Variants in RBFOX1 observed in about 807,000 individuals in gnomAD.
The protein encoded by RBFOX1 is RNA binding protein fox-1 homolog 1.
In RBFOX1, 8 loss-of-function variants were observed where a neutral mutation model predicts 57.7. The ratio of observed to expected loss-of-function variants is 0.14; its 90% confidence interval spans 0.08 to 0.25. The LOEUF (loss-of-function observed/expected upper bound fraction) is 0.25, where lower values mean the gene tolerates loss of function less well. Ranked by LOEUF, RBFOX1 falls within the 10% of genes least tolerant of loss-of-function variation. The pLI is 1.00. For missense variants in RBFOX1, 611 were observed against 548.5 expected (o/e 1.11, Z -1.14); for synonymous variants, 326 against 222.4 (o/e 1.47, Z -4.15).
At chr16:5,707,699 G>A (rs2051305053) in intron 3 of RBFOX1, among the ~76,000 whole-genome samples, 1 of 152,146 alleles carries the variant, frequency 6.6e-6, no homozygotes, top group Admixed American at 6.5e-5. Flanking sequence ...TCTATGAGCA[G>A]GAATAGCCTC....
At chr16:6,868,955 A>G (rs2060405476) in intron 3 of RBFOX1, among the ~76,000 whole-genome samples, 1 of 152,124 alleles carries the variant, frequency 6.6e-6, no homozygotes, top group African/African-American at 2.4e-5. Context: ...GAGATTTTGG[A>G]TACATGAGGT....
At chr16:6,118,615 C>A (rs146956124) in intron 1 of RBFOX1, among the ~76,000 whole-genome samples, 2,073 of 151,234 alleles carry the variant, frequency 0.014, 52 homozygotes, top group African/African-American at 0.048. Context: ...GTCTCTCTTG[C>A]TCTCCTCCCT....
chr16:7,504,741 A>ATT lies in RBFOX1; in HGVS notation c.28-13405_28-13404insTT, dbSNP rs1296557740. Among the ~76,000 whole-genome samples, 45 of 10,268 alleles carry ATT rather than the reference A, an allele frequency of 4.4e-3. 2 individuals are homozygous for ATT. The highest frequency in any genetic ancestry group is 9.3e-3 in the African/African-American group (32 of 3,428). 6.7% of individuals were successfully genotyped at this position (10,268 alleles called of 152,430 possible). Reference sequence around the variant, plus strand: ...TATATATATATATATATATATATATATATATATATATATTTATATATATAT... The same window carrying ATT: ...TATATATATATATATATATATATATATTTATATATATATATTTATATATATAT... On this transcript the variant is annotated intron_variant, in intron 4 of 15. Coordinates refer to ENST00000550418, the MANE Select transcript of RBFOX1 (RefSeq NM_018723.4).
At chr16:7,411,344 C>G (rs566140587) in intron 4 of RBFOX1, among the ~76,000 whole-genome samples, 1 of 152,128 alleles carries the variant, frequency 6.6e-6, no homozygotes, top group African/African-American at 2.4e-5. Context: ...GCCACAATTC[C>G]ACATTAGTTT....
intron 10 of RBFOX1, chr16:7,614,893 A>G (rs919538824): frequency 2.6e-5 from 4 of 152,222 alleles, no homozygotes; most frequent in African/African-American, 7.2e-5. Context: ...CAGAACTACC[A>G]TGTGAAAAAT....
At chr16:5,257,388 T>C (rs566260906) in intron 1 of RBFOX1, among the ~76,000 whole-genome samples, 1 of 152,228 alleles carries the variant, frequency 6.6e-6, no homozygotes, top group South Asian at 2.1e-4. Flanking sequence ...TCTGAGCTTC[T>C]GTGACCTTGT....
intron 2 of RBFOX1, among the ~76,000 whole-genome samples, chr16:6,630,553 C>G (rs1262803569): frequency 6.6e-6 from 1 of 152,124 alleles, no homozygotes; most frequent in East Asian, 1.9e-4. Flanking sequence ...CATAAGGCCA[C>G]TTTACAGGTT....
chr16:5,778,108 C>T (rs768351387), intron 3 of RBFOX1, among the ~76,000 whole-genome samples: 3 of 152,036 alleles, frequency 2.0e-5, no homozygotes, highest in Non-Finnish European at 4.4e-5. Context: ...AGCTTTGTAC[C>T]GTTGACTTCC....
At chr16:7,097,676 T>A (rs1191334631) in intron 4 of RBFOX1, among the ~76,000 whole-genome samples, 8 of 152,188 alleles carry the variant, frequency 5.3e-5, no homozygotes, top group Non-Finnish European at 1.0e-4. Flanking sequence ...GGTTTTGATC[T>A]ATATTTTCAA....
intron 4 of RBFOX1, among the ~76,000 whole-genome samples, chr16:7,476,145 T>C (rs529985642): frequency 2.5e-4 from 38 of 152,162 alleles, no homozygotes; most frequent in African/African-American, 8.9e-4. Context: ...TTTGTAGTTT[T>C]TGTAGATACT....
At chr16:6,629,349 G>A (rs1037664925) in intron 2 of RBFOX1, among the ~76,000 whole-genome samples, 1 of 152,204 alleles carries the variant, frequency 6.6e-6, no homozygotes, top group Non-Finnish European at 1.5e-5. Context: ...GAAACACAGT[G>A]TTGCTCGTTT....
intron 4 of RBFOX1, among the ~76,000 whole-genome samples, chr16:7,270,800 C>T (rs147071530): frequency 8.7e-4 from 133 of 152,270 alleles, no homozygotes; most frequent in African/African-American, 3.1e-3. Flanking sequence ...TCTTCCTTCC[C>T]TATCAACTTT....
At chr16:7,700,269 G>A (rs553262402) in intron 14 of RBFOX1, among the ~76,000 whole-genome samples, 1 of 152,202 alleles carries the variant, frequency 6.6e-6, no homozygotes, top group Admixed American at 6.5e-5. Flanking sequence ...ACTGTCACTT[G>A]TTTAGTCCTT....
chr16:7,363,480 CT>C (rs2097370178), intron 4 of RBFOX1, among the ~76,000 whole-genome samples: 1 of 146,036 alleles, frequency 6.8e-6, no homozygotes, highest in Non-Finnish European at 1.5e-5. Context: ...GAGGTCACCC[CT>C]GGAGCTAATA....
intron 1 of RBFOX1, among the ~76,000 whole-genome samples, chr16:6,105,161 T>A (rs1029791347): frequency 6.6e-6 from 1 of 152,240 alleles, no homozygotes; most frequent in Non-Finnish European, 1.5e-5. Context: ...TGAATCTTGT[T>A]TGATTTCTCA....
chr16:5,286,695 C>G (rs2063403508), intron 1 of RBFOX1, among the ~76,000 whole-genome samples: 3 of 152,148 alleles, frequency 2.0e-5, no homozygotes, highest in Admixed American at 2.0e-4. Flanking sequence ...AAACCTTAGA[C>G]TAGGGAATGG....
intron 3 of RBFOX1, among the ~76,000 whole-genome samples, chr16:5,830,676 G>T (rs981855439): frequency 2.0e-5 from 3 of 152,188 alleles, no homozygotes. Flanking sequence ...ATCAAATCAT[G>T]TCAGTGTGTC....
intron 4 of RBFOX1, among the ~76,000 whole-genome samples, chr16:7,056,705 A>G (rs973579814): frequency 2.0e-5 from 3 of 152,196 alleles, no homozygotes; most frequent in Non-Finnish European, 2.9e-5. Flanking sequence ...TTTGATTACA[A>G]AGGGATCTTT....
intron 2 of RBFOX1, among the ~76,000 whole-genome samples, chr16:5,507,853 T>A (rs2043432430): frequency 6.6e-6 from 1 of 152,128 alleles, no homozygotes; most frequent in African/African-American, 2.4e-5. Context: ...GAGGGTCTCT[T>A]CCTAGAGCCT....
Sources: gnomAD v4.1 joint callset for allele counts (sites outside exome capture counted in the v4.1 genomes callset) on GRCh38, gnomAD v4.1.1 for gene constraint, MANE v1.5 for transcripts, NCBI Gene and HGNC (gene_info 2026-07-23, HGNC 2026-07-21) for gene names.